The following SLC9C2 variants were observed in gnomAD, a reference collection of about 807,000 sequenced individuals.
SLC9C2 encodes the protein solute carrier family 9 member C2 (putative).
A neutral mutation model predicts 140.2 loss-of-function variants in SLC9C2; 75 were observed. That is an observed-to-expected ratio of 0.53 (90% confidence interval 0.44 to 0.65). The LOEUF is 0.65. Among genes scored for constraint, SLC9C2 ranks in the 30% least tolerant of loss-of-function variants. The pLI is 0.00. For synonymous variants in SLC9C2, 375 were observed against 420.9 expected (o/e 0.89, Z 1.34); for missense variants, 1,074 against 1,331.8 (o/e 0.81, Z 3.01).
chr1:173,583,657 C>A, intron 5 of SLC9C2, 35 bp from the exon 6 acceptor site: 1 of 1,054,158 alleles, frequency 9.5e-7, no homozygotes, highest in Non-Finnish European at 1.4e-6. Flanking sequence ...ACTCAATATG[C>A]TACATGAAAA....
chr1:173,515,083 C>T (rs1558018577), intron 23 of SLC9C2, among the ~76,000 whole-genome samples: 1 of 152,152 alleles, frequency 6.6e-6, no homozygotes, highest in Non-Finnish European at 1.5e-5. Context: ...CTGCCCTTAA[C>T]ATTTTTTCCT....
chr1:173,549,438 G>A (rs372322774), intron 11 of SLC9C2, among the ~76,000 whole-genome samples: 1 of 152,198 alleles, frequency 6.6e-6, no homozygotes. Context: ...ACCACACAAG[G>A]AGAAAATGTA....
At chr1:173,512,168 G>T (rs1021899256) in intron 23 of SLC9C2, among the ~76,000 whole-genome samples, 6 of 152,272 alleles carry the variant, frequency 3.9e-5, no homozygotes, top group African/African-American at 1.4e-4. Context: ...ATTTAAAATA[G>T]TTTTTTCTAA....
At chr1:173,535,174 T>TGGG (rs903790540) in intron 15 of SLC9C2, among the ~76,000 whole-genome samples, 5 of 152,064 alleles carry the variant, frequency 3.3e-5, no homozygotes, top group African/African-American at 1.2e-4. Context: ...ACTTATTAAA[T>TGGG]GGAAAAAAGT....
At chr1:173,521,801 A>C (rs1266149745) in intron 21 of SLC9C2, among the ~76,000 whole-genome samples, 2 of 150,450 alleles carry the variant, frequency 1.3e-5, no homozygotes, top group African/African-American at 4.9e-5. Context: ...CCCTGCCTTC[A>C]GAAAAAAGTT....
chr1:173,537,493 C>T (rs982781941), intron 13 of SLC9C2, among the ~76,000 whole-genome samples: 9 of 151,870 alleles, frequency 5.9e-5, no homozygotes, highest in Non-Finnish European at 1.0e-4. Flanking sequence ...ACCCAGGAGG[C>T]GGAGGTTGTG....
At chr1:173,530,334 T>C (rs1226724110) in intron 17 of SLC9C2, among the ~76,000 whole-genome samples, 2 of 152,140 alleles carry the variant, frequency 1.3e-5, no homozygotes, top group Non-Finnish European at 2.9e-5. Context: ...AATAACTGAC[T>C]CTTGCTTTAG....
intron 4 of SLC9C2, among the ~76,000 whole-genome samples, chr1:173,589,215 T>C (rs1254468477): frequency 6.6e-6 from 1 of 152,178 alleles, no homozygotes; most frequent in South Asian, 2.1e-4. Flanking sequence ...AACATTTTTA[T>C]TTGCCAATTC....
chr1:173,560,025 G>A (rs1433351719), intron 9 of SLC9C2, among the ~76,000 whole-genome samples: 2 of 152,176 alleles, frequency 1.3e-5, no homozygotes, highest in African/African-American at 2.4e-5. Context: ...TGAAAAAAGG[G>A]TATTTTCAGA....
intron 23 of SLC9C2, among the ~76,000 whole-genome samples, chr1:173,511,161 G>C (rs572651888): frequency 1.4e-5 from 2 of 147,806 alleles, no homozygotes; most frequent in African/African-American, 5.0e-5. Context: ...AGCCACCCGA[G>C]TAGCTGGGAC....
intron 4 of SLC9C2, among the ~76,000 whole-genome samples, chr1:173,588,683 T>C (rs573272062): frequency 1.3e-5 from 2 of 152,354 alleles, no homozygotes; most frequent in African/African-American, 4.8e-5. Context: ...TGTGTGGAAT[T>C]GTTCTATGTT....
At chr1:173,521,442 A>G (rs779869830) in intron 21 of SLC9C2, 43 bp from the exon 22 acceptor site, 2 of 954,474 alleles carry the variant, frequency 2.1e-6, no homozygotes, top group African/African-American at 3.4e-5. Flanking sequence ...GAGAGTCAAC[A>G]CAAAAGCTTC....
intron 9 of SLC9C2, among the ~76,000 whole-genome samples, chr1:173,558,556 T>G (rs1663873812): frequency 2.0e-5 from 3 of 152,168 alleles, no homozygotes; most frequent in Non-Finnish European, 2.9e-5. Flanking sequence ...ATCTGTAAAA[T>G]GAAGATAATA....
intron 9 of SLC9C2, among the ~76,000 whole-genome samples, chr1:173,568,109 ACAC>A (rs1250644880): frequency 6.6e-6 from 1 of 152,142 alleles, no homozygotes; most frequent in Non-Finnish European, 1.5e-5. Context: ...AGTAGTTTAC[ACAC>A]CACAATTACA....
intron 9 of SLC9C2, among the ~76,000 whole-genome samples, chr1:173,558,024 C>G (rs1663827828): frequency 6.6e-6 from 1 of 152,174 alleles, no homozygotes. Context: ...TTCTTGCCCT[C>G]CAGATTACTT....
intron 9 of SLC9C2, among the ~76,000 whole-genome samples, chr1:173,569,375 C>T (rs565242698): frequency 6.6e-6 from 1 of 151,948 alleles, no homozygotes; most frequent in African/African-American, 2.4e-5. Flanking sequence ...TTTTAGGGTC[C>T]TTTCTTTATC....
In SLC9C2 at chr1:173,533,606, T is replaced by C. The variant is rs763128050; in HGVS notation, c.2163+3A>G. The C allele has an allele frequency of 5.1e-6, 8 of 1,570,124 alleles. No individual in the cohort carries two copies. In the Admixed American group the frequency reaches 7.5e-5, roughly 15 times the overall value. Reference sequence around the variant, plus strand: ...CTTAATATTTTAAAATGTGAAATCTTACCTTGAAGAGAGGAAGAAACCTAA... The same window carrying C: ...CTTAATATTTTAAAATGTGAAATCTCACCTTGAAGAGAGGAAGAAACCTAA... On this transcript the variant is annotated splice_donor_region_variant and intron_variant, in intron 17 of 27. Coordinates refer to ENST00000367714, the MANE Select transcript of SLC9C2 (RefSeq NM_178527.4).
intron 11 of SLC9C2, among the ~76,000 whole-genome samples, chr1:173,550,427 T>TATTC (rs1275855352): frequency 8.2e-6 from 1 of 121,706 alleles, no homozygotes; most frequent in African/African-American, 4.0e-5. Context: ...TTATTTTATT[T>TATTC]ATTTATTTAT....
chr1:173,585,990 A>G (rs983658276), intron 5 of SLC9C2, among the ~76,000 whole-genome samples: 1 of 152,116 alleles, frequency 6.6e-6, no homozygotes, highest in African/African-American at 2.4e-5. Flanking sequence ...AATAAAAAAA[A>G]AGAAGACTTT....
Sources: gnomAD v4.1 joint callset for allele counts (sites outside exome capture counted in the v4.1 genomes callset) on GRCh38, gnomAD v4.1.1 for gene constraint, MANE v1.5 for transcripts, NCBI Gene and HGNC (gene_info 2026-07-23, HGNC 2026-07-21) for gene names.